The following MDGA2 variants were observed in gnomAD, a reference collection of about 807,000 sequenced individuals.
The protein encoded by MDGA2 is MAM domain-containing glycosylphosphatidylinositol anchor protein 2.
In MDGA2, 40 loss-of-function variants were observed where a neutral mutation model predicts 117.8. The ratio of observed to expected loss-of-function variants is 0.34; its 90% CI spans 0.26 to 0.44. The LOEUF (loss-of-function observed/expected upper bound fraction) is 0.44, where lower values mean the gene tolerates loss of function less well. MDGA2 is among the 20% of genes least tolerant of loss of function. The pLI, the probability that MDGA2 is intolerant of heterozygous loss-of-function variation, is 1.00. For missense variants in MDGA2, 1,123 were observed against 1,250.6 expected, an observed-to-expected ratio of 0.90 and a Z score of 1.54; for synonymous variants, 452 against 439.0, an observed-to-expected ratio of 1.03 and a Z score of -0.37.
intron 2 of MDGA2, among the ~76,000 whole-genome samples, chr14:47,278,499 A>G (rs1888377961): frequency 6.6e-6 from 1 of 152,102 alleles, no homozygotes; most frequent in African/African-American, 2.4e-5. Context: ...GCCAAGCCAC[A>G]GACTCAGGCA....
intron 1 of MDGA2, among the ~76,000 whole-genome samples, chr14:47,537,199 G>T (rs921671730): frequency 6.7e-6 from 1 of 150,278 alleles, no homozygotes; most frequent in African/African-American, 2.5e-5. Flanking sequence ...GCAAACTATC[G>T]CAAGGACAAA....
intron 1 of MDGA2, among the ~76,000 whole-genome samples, chr14:47,321,364 C>CA (rs1889974473): frequency 6.6e-6 from 1 of 152,048 alleles, no homozygotes; most frequent in Admixed American, 6.5e-5. Context: ...GTTAACATCA[C>CA]AAAAAAATAG....
At chr14:47,614,614 G>C (rs1594944593) in intron 1 of MDGA2, among the ~76,000 whole-genome samples, 1 of 152,124 alleles carries the variant, frequency 6.6e-6, no homozygotes, top group African/African-American at 2.4e-5. Context: ...AAAATGGCTA[G>C]AGATTTTAAA....
chr14:46,959,811 A>G (rs1424757497), intron 8 of MDGA2, among the ~76,000 whole-genome samples: 2 of 152,228 alleles, frequency 1.3e-5, no homozygotes, highest in Non-Finnish European at 2.9e-5. Flanking sequence ...AAAAACATCA[A>G]TCAATACCCT....
At chr14:46,883,821 C>T (rs983918416) in intron 10 of MDGA2, among the ~76,000 whole-genome samples, 3 of 151,936 alleles carry the variant, frequency 2.0e-5, no homozygotes, top group South Asian at 2.1e-4. Flanking sequence ...CTGGCTTATA[C>T]AATTGTGACA....
chr14:46,987,026 T>C (rs1886884156), intron 8 of MDGA2, among the ~76,000 whole-genome samples: 1 of 152,110 alleles, frequency 6.6e-6, no homozygotes, highest in African/African-American at 2.4e-5. Flanking sequence ...TAGGTAGGCA[T>C]GTAGGTATGC....
chr14:47,415,756 T>C (rs1346380363), intron 1 of MDGA2, among the ~76,000 whole-genome samples: 5 of 152,244 alleles, frequency 3.3e-5, no homozygotes, highest in South Asian at 2.1e-4. Flanking sequence ...AAGTTTGAGA[T>C]GAAGGGGCTA....
At chr14:47,405,354 A>G (rs17118552) in intron 1 of MDGA2, among the ~76,000 whole-genome samples, 8,280 of 152,230 alleles carry the variant, frequency 0.054, 248 homozygotes, top group African/African-American at 0.088. Flanking sequence ...AGAGTGTACC[A>G]TTCTGTCATA....
intron 5 of MDGA2, among the ~76,000 whole-genome samples, chr14:47,129,346 G>A (rs1296203818): frequency 6.6e-6 from 1 of 151,732 alleles, no homozygotes; most frequent in Non-Finnish European, 1.5e-5. Flanking sequence ...GCGGTGTTTG[G>A]TTTTTTGTTC....
intron 8 of MDGA2, among the ~76,000 whole-genome samples, chr14:46,958,334 G>A (rs1470729325): frequency 5.3e-5 from 8 of 152,140 alleles, no homozygotes; most frequent in Admixed American, 5.2e-4. Flanking sequence ...GATTAGCATA[G>A]CTGATGCACA....
chr14:47,287,848 G>A (rs553344330), intron 2 of MDGA2, among the ~76,000 whole-genome samples: 23 of 152,156 alleles, frequency 1.5e-4, no homozygotes, highest in African/African-American at 5.3e-4. Flanking sequence ...CACCAGTGTC[G>A]TTACAAGAAG....
chr14:47,248,980 CTT>C (rs1314327310), intron 2 of MDGA2, among the ~76,000 whole-genome samples: 22 of 119,220 alleles, frequency 1.8e-4, no homozygotes, highest in Admixed American at 3.9e-4. Flanking sequence ...CCTTCTCTCT[CTT>C]TCTTTCTTTC....
At chr14:47,141,415 GGATA>G (rs1566647564) in intron 4 of MDGA2, among the ~76,000 whole-genome samples, 1 of 152,030 alleles carries the variant, frequency 6.6e-6, no homozygotes, top group East Asian at 1.9e-4. Flanking sequence ...ACAGATGAAT[GGATA>G]AAGAAAATGT....
At chr14:47,011,895 T>C (rs1887906961) in intron 8 of MDGA2, among the ~76,000 whole-genome samples, 1 of 152,126 alleles carries the variant, frequency 6.6e-6, no homozygotes, top group Non-Finnish European at 1.5e-5. Flanking sequence ...TCAGGTTCTC[T>C]CTTTGCTGTT....
At chr14:47,479,076 T>C (rs1286183786) in intron 1 of MDGA2, among the ~76,000 whole-genome samples, 1 of 152,202 alleles carries the variant, frequency 6.6e-6, no homozygotes, top group African/African-American at 2.4e-5. Flanking sequence ...CAAACTTAAT[T>C]TGCAAGGTGA....
chr14:47,597,917 A>G (rs376743846), intron 1 of MDGA2, among the ~76,000 whole-genome samples: 6 of 151,766 alleles, frequency 4.0e-5, no homozygotes, highest in African/African-American at 1.5e-4. Context: ...ACTTCTAGAT[A>G]TAATTACCCA....
At chr14:47,180,273 A>G (rs1216517203) in intron 3 of MDGA2, among the ~76,000 whole-genome samples, 1 of 152,082 alleles carries the variant, frequency 6.6e-6, no homozygotes, top group African/African-American at 2.4e-5. Flanking sequence ...TTTTAAGTAA[A>G]AGGAGATAGG....
rs117000924 is a variant in MDGA2, at chr14:46,893,011, C to A, written c.2239-10790G>T. On this transcript the variant is annotated intron_variant, in intron 10 of 16. Coordinates refer to ENST00000399232, the MANE Select transcript of MDGA2 (RefSeq NM_001113498.3). Reference sequence around the variant, plus strand: ...CAGAAATCTCTTTTCTAGATACCTACCCAGAAGAAATCACCAACTTATAAA... The same window carrying A: ...CAGAAATCTCTTTTCTAGATACCTAACCAGAAGAAATCACCAACTTATAAA... Among the ~76,000 whole-genome samples the A allele has an allele frequency of 1.0e-3, 158 of 151,958 alleles. 2 individuals carry two copies. The East Asian group carries it at 0.02, about 19-fold the overall frequency.
intron 1 of MDGA2, among the ~76,000 whole-genome samples, chr14:47,356,308 C>T (rs559723681): frequency 6.6e-6 from 1 of 152,310 alleles, no homozygotes; most frequent in Non-Finnish European, 1.5e-5. Flanking sequence ...AACCCCTATG[C>T]TTATCGCCCT....
Sources: allele counts gnomAD v4.1 joint callset (sites outside exome capture counted in the v4.1 genomes callset), GRCh38; gene constraint gnomAD v4.1.1; transcripts MANE v1.5; gene names NCBI Gene and HGNC (gene_info 2026-07-23, HGNC 2026-07-21).